The following DPP10 variants were observed in gnomAD, a reference collection of about 807,000 sequenced individuals.
DPP10 encodes the protein inactive dipeptidyl peptidase 10.
A neutral mutation model predicts 120.9 loss-of-function variants in DPP10; 33 were observed. The ratio of observed to expected loss-of-function variants is 0.27; its 90% CI spans 0.21 to 0.37. DPP10 has a LOEUF of 0.37. DPP10 is among the 10% of genes least tolerant of loss of function. DPP10 has a pLI of 1.00. For synonymous variants in DPP10, 337 were observed against 326.1 expected (o/e 1.03, Z -0.36); for missense variants, 816 against 942.8 (o/e 0.87, Z 1.76).
intron 1 of DPP10, among the ~76,000 whole-genome samples, chr2:114,544,309 A>G (rs1687198290): frequency 6.6e-6 from 1 of 152,232 alleles, no homozygotes; most frequent in African/African-American, 2.4e-5. Context: ...AACGCTTCAG[A>G]TCCTGTGGGA....
intron 3 of DPP10, chr2:115,468,233 C>T: frequency 2.0e-6 from 1 of 503,106 alleles, no homozygotes; most frequent in Non-Finnish European, 4.0e-6. Flanking sequence ...GAAGCTTCTG[C>T]TGACCGCTCG....
At chr2:115,141,909 G>A (rs182402966) in intron 1 of DPP10, among the ~76,000 whole-genome samples, 17 of 152,140 alleles carry the variant, frequency 1.1e-4, no homozygotes, top group South Asian at 2.1e-4. Context: ...GTGTAGGGGG[G>A]ACTACAGGTG....
chr2:115,313,931 G>A (rs187642160), intron 2 of DPP10, among the ~76,000 whole-genome samples: 10 of 152,108 alleles, frequency 6.6e-5, no homozygotes, highest in Admixed American at 3.3e-4. Flanking sequence ...GTTTACCCAC[G>A]TTTATTTTGA....
At chr2:114,614,802 T>C (rs1051656871) in intron 1 of DPP10, among the ~76,000 whole-genome samples, 7 of 152,234 alleles carry the variant, frequency 4.6e-5, no homozygotes, top group African/African-American at 1.7e-4. Flanking sequence ...CCCACTAGAG[T>C]GTATGAGTAG....
intron 1 of DPP10, among the ~76,000 whole-genome samples, chr2:115,245,115 T>G (rs2058474760): frequency 6.6e-6 from 1 of 152,068 alleles, no homozygotes; most frequent in African/African-American, 2.4e-5. Context: ...CATCCCTGAG[T>G]TACTTCACTT....
chr2:115,271,709 T>G (rs1482909532), intron 1 of DPP10, among the ~76,000 whole-genome samples: 1 of 152,154 alleles, frequency 6.6e-6, no homozygotes, highest in Non-Finnish European at 1.5e-5. Context: ...AAAAAACTTT[T>G]AAGTAAGAAA....
chr2:114,953,765 G>T (rs566763678), intron 1 of DPP10, among the ~76,000 whole-genome samples: 6 of 151,984 alleles, frequency 3.9e-5, no homozygotes, highest in Non-Finnish European at 8.8e-5. Context: ...TAATGGTACC[G>T]TATTATGAAT....
chr2:114,736,412 G>A (rs1016424067), intron 1 of DPP10, among the ~76,000 whole-genome samples: 4 of 152,054 alleles, frequency 2.6e-5, no homozygotes, highest in Admixed American at 2.0e-4. Context: ...GATGAATGAA[G>A]GAATGAATGG....
At chr2:115,704,343 C>A (rs2092012189) in intron 7 of DPP10, among the ~76,000 whole-genome samples, 1 of 151,774 alleles carries the variant, frequency 6.6e-6, no homozygotes, top group Admixed American at 6.6e-5. Flanking sequence ...GAATAGTTCG[C>A]TTTTTGGGAT....
intron 3 of DPP10, among the ~76,000 whole-genome samples, chr2:115,382,196 T>C (rs1302516454): frequency 6.6e-6 from 1 of 152,198 alleles, no homozygotes; most frequent in African/African-American, 2.4e-5. Context: ...ACTGCTGTGC[T>C]ATCAATCAGC....
intron 1 of DPP10, among the ~76,000 whole-genome samples, chr2:115,075,255 T>G (rs1412459588): frequency 6.6e-6 from 1 of 152,248 alleles, no homozygotes; most frequent in African/African-American, 2.4e-5. Context: ...TCTTAGAAGT[T>G]GTTTAGAAGT....
chr2:115,687,306 G>A (rs1446208601), intron 5 of DPP10, among the ~76,000 whole-genome samples: 2 of 151,964 alleles, frequency 1.3e-5, no homozygotes, highest in African/African-American at 4.8e-5. Context: ...TTGTGGGCAA[G>A]GAATGTGATT....
intron 1 of DPP10, among the ~76,000 whole-genome samples, chr2:115,091,921 C>T (rs186764281): frequency 2.0e-5 from 3 of 152,256 alleles, no homozygotes; most frequent in Admixed American, 2.0e-4. Flanking sequence ...ACTTTCTTGG[C>T]AAAAGTGCTA....
At chr2:114,971,460 C>T (rs918474821) in intron 1 of DPP10, among the ~76,000 whole-genome samples, 8 of 152,096 alleles carry the variant, frequency 5.3e-5, no homozygotes, top group East Asian at 1.9e-4. Context: ...AAACATAAAA[C>T]TTTCTTTCTA....
intron 1 of DPP10, among the ~76,000 whole-genome samples, chr2:114,682,447 T>C (rs1281528960): frequency 6.6e-6 from 1 of 151,948 alleles, no homozygotes; most frequent in Non-Finnish European, 1.5e-5. Flanking sequence ...AATGTAATAA[T>C]GCTTCCAGTG....
intron 11 of DPP10, among the ~76,000 whole-genome samples, chr2:115,757,182 T>G (rs189851722): frequency 1.3e-5 from 2 of 152,130 alleles, no homozygotes; most frequent in East Asian, 1.9e-4. Flanking sequence ...ACATTTCAAC[T>G]AATATTATAA....
intron 1 of DPP10, among the ~76,000 whole-genome samples, chr2:114,575,411 A>G (rs1019862508): frequency 6.6e-6 from 1 of 152,144 alleles, no homozygotes; most frequent in African/African-American, 2.4e-5. Flanking sequence ...GAGGATGTGG[A>G]TGAACTATAT....
At chr2:114,591,328 G>A (rs1691441907) in intron 1 of DPP10, among the ~76,000 whole-genome samples, 1 of 152,184 alleles carries the variant, frequency 6.6e-6, no homozygotes, top group African/African-American at 2.4e-5. Context: ...GTAGTATGGA[G>A]CACAGACAGT....
In DPP10 at chr2:115,581,551, A is replaced by C. The variant is rs1292199801; in HGVS notation, c.441+55579A>C. On this transcript the variant is annotated intron_variant, in intron 5 of 25. Coordinates refer to ENST00000410059, the MANE Select transcript of DPP10 (RefSeq NM_020868.6). ...CATGCTACTATACTCTGTTATACAA[A>C]ATAACTCTTCTAAATAAATAAACCA... Among the ~76,000 whole-genome samples, 4 of 152,238 alleles carry C rather than the reference A, an allele frequency of 2.6e-5. No homozygotes were observed. In the South Asian group the frequency reaches 8.3e-4, roughly 32 times the overall value.
Sources: gnomAD v4.1 joint callset for allele counts (sites outside exome capture counted in the v4.1 genomes callset) on GRCh38, gnomAD v4.1.1 for gene constraint, MANE v1.5 for transcripts, NCBI Gene and HGNC (gene_info 2026-07-23, HGNC 2026-07-21) for gene names.